Variants in PREX1 observed in about 807,000 individuals in gnomAD.
PREX1 encodes phosphatidylinositol 3,4,5-trisphosphate-dependent Rac exchanger 1 protein.
PREX1 carries 41 observed loss-of-function variants against 198.3 expected under a neutral mutation model. The ratio of observed to expected loss-of-function variants is 0.21; its 90% CI spans 0.16 to 0.27. PREX1 has a LOEUF of 0.27. Among genes scored for constraint, PREX1 ranks in the 10% least tolerant of loss-of-function variants. PREX1 has a pLI of 1.00. For synonymous variants in PREX1, 843 were observed against 887.2 expected, an observed-to-expected ratio of 0.95 and a Z score of 0.89; for missense variants, 1,620 against 2,200.7, an observed-to-expected ratio of 0.74 and a Z score of 5.28.
At chr20:48,676,338 T>TC in intron 13 of PREX1, 70 bp from the exon 14 acceptor site, 1 of 1,422,040 alleles carries the variant, frequency 7.0e-7, no homozygotes. Flanking sequence ...GGTCCTGACT[T>TC]CCCTGCAGGA....
chr20:48,858,335 A>T, the PREX1 span, among the ~76,000 whole-genome samples: 1 of 151,878 alleles, frequency 6.6e-6, no homozygotes, highest in Non-Finnish European at 1.5e-5. Flanking sequence ...TTTCCCACAA[A>T]CTCACTCAGC....
Position 48,645,877 on chromosome 20 carries a change from G to A in PREX1, c.3486C>T (p.Asp1162=). Residue 1162 remains aspartate, a synonymous_variant, in exon 26 of 40, where the codon GAC becomes GAT. Coordinates refer to ENST00000371941, the MANE Select transcript of PREX1 (RefSeq NM_020820.4). ...AEEDQEDSGH[D]TMSYRDSYSE... ...TGTAGGAGTCGCGATAACTCATGGT[G>A]TCGTGGCCTGAGTCCTCCTGGTCCT... is the stretch of plus-strand genomic sequence containing the variant. 2 of 1,614,170 alleles carry A rather than the reference G, an allele frequency of 1.2e-6. No individual in the cohort carries two copies. Among genetic ancestry groups the A allele is most frequent in the Non-Finnish European group, 1.7e-6 (2 of 1,180,012 alleles).
At chr20:48,878,813 G>C in the PREX1 span, among the ~76,000 whole-genome samples, 2 of 152,284 alleles carry the variant, frequency 1.3e-5, no homozygotes, top group South Asian at 4.1e-4. Context: ...TCAGGGATGG[G>C]CATGTGACCC....
chr20:48,656,981 T>G, intron 18 of PREX1, 59 bp downstream of exon 18: 2 of 1,527,516 alleles, frequency 1.3e-6, no homozygotes, highest in Non-Finnish European at 1.8e-6. Context: ...ACCCCAGCCC[T>G]CAGCCACCAC....
the PREX1 span, among the ~76,000 whole-genome samples, chr20:48,883,692 A>G: frequency 6.6e-6 from 1 of 152,102 alleles, no homozygotes; most frequent in Admixed American, 6.5e-5. Context: ...GAAGTACAAA[A>G]CTTATGCTGT....
intron 1 of PREX1, among the ~76,000 whole-genome samples, chr20:48,755,955 C>T (rs1226706512): frequency 2.0e-5 from 3 of 152,024 alleles, no homozygotes; most frequent in Non-Finnish European, 4.4e-5. Flanking sequence ...AACACACAGG[C>T]TCTCTCTCGC....
At chr20:48,650,529 T>C (rs1471073761) in intron 23 of PREX1, among the ~76,000 whole-genome samples, 3 of 152,186 alleles carry the variant, frequency 2.0e-5, no homozygotes, top group Admixed American at 1.3e-4. Flanking sequence ...TCCATCCCTA[T>C]GGCGATTGGA....
At chr20:48,795,056 T>A (rs2090355266) in intron 1 of PREX1, among the ~76,000 whole-genome samples, 2 of 152,150 alleles carry the variant, frequency 1.3e-5, no homozygotes, top group Admixed American at 6.5e-5. Flanking sequence ...TTATCCTCAG[T>A]CACTAACATG....
intron 1 of PREX1, among the ~76,000 whole-genome samples, chr20:48,775,918 C>T (rs191771837): frequency 3.0e-4 from 45 of 151,908 alleles, no homozygotes; most frequent in Non-Finnish European, 5.9e-4. Context: ...CTAATACAGG[C>T]GGTTTTGGAA....
intron 1 of PREX1, among the ~76,000 whole-genome samples, chr20:48,825,690 T>C (rs1468785190): frequency 6.6e-6 from 1 of 151,846 alleles, no homozygotes; most frequent in African/African-American, 2.4e-5. Context: ...TTCCCATTAA[T>C]ATCAAAATTG....
At chr20:48,803,597 C>T (rs568455801) in intron 1 of PREX1, among the ~76,000 whole-genome samples, 25 of 152,162 alleles carry the variant, frequency 1.6e-4, no homozygotes, top group Non-Finnish European at 2.9e-4. Flanking sequence ...GGGCCACACA[C>T]GCCAAAAACA....
At chr20:48,850,773 C>T in the PREX1 span, among the ~76,000 whole-genome samples, 4 of 152,132 alleles carry the variant, frequency 2.6e-5, no homozygotes, top group Non-Finnish European at 5.9e-5. Context: ...TTTTCTTCCC[C>T]GCCATCTCCG....
Position 48,636,663 on chromosome 20 carries a change from T to C in PREX1, c.3967A>G (p.Arg1323Gly). 6.2e-7 allele frequency: 1 copy of C among 1,607,488 alleles called. No individual in the cohort carries two copies. Among genetic ancestry groups the C allele is most frequent in the Non-Finnish European group, 8.5e-7 (1 of 1,177,412 alleles). ...AGGGCCTGGCAGAAGATCGCGTCTC[T>C]GCGCAGCTGCAGCTCCGTGTCTGGG... Reference protein sequence around the residue: ...KCTDTELQLRRDAIFCQALVA... With the variant: ...KCTDTELQLRGDAIFCQALVA... The change falls in exon 32 of 40, where the codon AGA becomes GGA. Residue 1323 changes from arginine to glycine, a missense_variant. Arg to Gly is a moderately radical substitution (Grantham distance 125). Coordinates refer to ENST00000371941, the MANE Select transcript of PREX1 (RefSeq NM_020820.4).
At chr20:48,642,372 C>T (rs760262882) in intron 28 of PREX1, 35 bp downstream of exon 28, 5 of 1,608,174 alleles carry the variant, frequency 3.1e-6, no homozygotes, top group South Asian at 1.1e-5. Flanking sequence ...CAGGAGGAAC[C>T]CAAAGTTGCG....
intron 4 of PREX1, 102 bp from the exon 5 acceptor site, chr20:48,726,493 C>A: frequency 1.2e-6 from 1 of 824,284 alleles, no homozygotes; most frequent in Non-Finnish European, 2.0e-6. Context: ...GCTACAATCA[C>A]TTGGCAAGCG....
At chr20:48,772,461 A>G (rs1375253336) in intron 1 of PREX1, among the ~76,000 whole-genome samples, 2 of 152,180 alleles carry the variant, frequency 1.3e-5, no homozygotes, top group Admixed American at 6.5e-5. Flanking sequence ...GAGATGCCCC[A>G]GCCCAAGCAG....
At chr20:48,735,948 C>A (rs1466317299) in intron 3 of PREX1, among the ~76,000 whole-genome samples, 1 of 152,168 alleles carries the variant, frequency 6.6e-6, no homozygotes, top group Non-Finnish European at 1.5e-5. Context: ...CACCAGAATA[C>A]TGAAGGGCAC....
chr20:48,642,076 G>A, intron 29 of PREX1, 92 bp downstream of exon 29: 2 of 1,317,956 alleles, frequency 1.5e-6, no homozygotes, highest in East Asian at 2.3e-5. Flanking sequence ...TCAGCAGTAG[G>A]AGGGCAGAGC....
At chr20:48,631,351 C>A (rs2089312985) in intron 35 of PREX1, among the ~76,000 whole-genome samples, 1 of 152,178 alleles carries the variant, frequency 6.6e-6, no homozygotes, top group Non-Finnish European at 1.5e-5. Context: ...CAAGGAGGGC[C>A]AGATTTTGAC....
Sources: gnomAD v4.1 joint callset for allele counts (sites outside exome capture counted in the v4.1 genomes callset) on GRCh38, gnomAD v4.1.1 for gene constraint, MANE v1.5 for transcripts, NCBI Gene and HGNC (gene_info 2026-07-23, HGNC 2026-07-21) for gene names.